SORCS2: variants seen among roughly 807,000 people sequenced by gnomAD.
The protein encoded by SORCS2 is VPS10 domain-containing receptor SorCS2.
Under a neutral mutation model 141.6 loss-of-function variants are expected in SORCS2, and 100 were observed. The ratio of observed to expected loss-of-function variants is 0.71; its 90% CI spans 0.60 to 0.83. The LOEUF (loss-of-function observed/expected upper bound fraction) is 0.83, where lower values mean the gene tolerates loss of function less well. SORCS2 is among the 40% of genes least tolerant of loss of function. The probability of loss-of-function intolerance (pLI) is 0.00; values close to 1 mark genes in which losing one functional copy is unlikely to be tolerated. For synonymous variants in SORCS2, 789 were observed against 676.9 expected (o/e 1.17, Z -2.57); for missense variants, 1,646 against 1,560.2 (o/e 1.05, Z -0.93).
chr4:7,196,062 G>A lies in SORCS2; in HGVS notation c.480+2936G>A, dbSNP rs1232696943. ...TTTAAGCCCTCATTGCTACAGCTCC[G>A]TTTAACATTATGTGGGTTTTCCTTC... On this transcript the variant is annotated intron_variant, in intron 1 of 26. Transcript: ENST00000507866. Among the ~76,000 whole-genome samples the A allele has an allele frequency of 5.3e-5, 8 of 152,298 alleles. 1 individual carries two copies. The highest frequency in any genetic ancestry group is 3.9e-4 in the Admixed American group (6 of 15,304).
chr4:7,355,555 T>A (rs1365454501), intron 1 of SORCS2, among the ~76,000 whole-genome samples: 1 of 152,046 alleles, frequency 6.6e-6, no homozygotes. Context: ...GGCTCTGCCG[T>A]CCCCAGGGGC....
chr4:7,669,676 A>T (rs1722685662), intron 8 of SORCS2, among the ~76,000 whole-genome samples: 1 of 152,178 alleles, frequency 6.6e-6, no homozygotes. Context: ...AACATCATGA[A>T]AATCATAGAC....
chr4:7,526,565 G>A (rs1733707984), intron 2 of SORCS2, among the ~76,000 whole-genome samples: 1 of 152,206 alleles, frequency 6.6e-6, no homozygotes, highest in South Asian at 2.1e-4. Flanking sequence ...CAGTGACGCT[G>A]CTCCGTATGA....
chr4:7,203,338 C>A (rs141415308), intron 1 of SORCS2, among the ~76,000 whole-genome samples: 1 of 152,198 alleles, frequency 6.6e-6, no homozygotes. Flanking sequence ...GCAGAAGAAT[C>A]GCTTGAATCA....
chr4:7,560,617 C>T (rs1714466331), intron 3 of SORCS2, among the ~76,000 whole-genome samples: 1 of 152,144 alleles, frequency 6.6e-6, no homozygotes, highest in Non-Finnish European at 1.5e-5. Context: ...CCTGCACTGA[C>T]ATCTTTGAAG....
chr4:7,387,435 G>C (rs1289663211), intron 1 of SORCS2, among the ~76,000 whole-genome samples: 6 of 65,724 alleles, frequency 9.1e-5, no homozygotes, highest in Non-Finnish European at 1.8e-4. Context: ...ACACACATAG[G>C]TACATGCATG....
Position 7,356,085 on chromosome 4 carries a change from A to G in SORCS2, c.481-40203A>G, listed in dbSNP as rs1164899557. On this transcript the variant is annotated intron_variant, in intron 1 of 26. Transcript: ENST00000507866. ...CCAGCTGTTTGGAGCATTGTTCCCC[A>G]TCTTCACATGGCTGGCTCCTCCCTG... Among the ~76,000 whole-genome samples the G allele has an allele frequency of 3.3e-5, 5 of 152,104 alleles. No individual in the cohort carries two copies. In the East Asian group the frequency reaches 9.6e-4, roughly 29 times the overall value.
At chr4:7,485,548 C>T (rs1206844071) in intron 2 of SORCS2, among the ~76,000 whole-genome samples, 2 of 152,276 alleles carry the variant, frequency 1.3e-5, no homozygotes, top group East Asian at 3.8e-4. Context: ...TCCCTGGCGG[C>T]TCTTGTTATT....
chr4:7,674,968 G>C (rs910224211), intron 8 of SORCS2, among the ~76,000 whole-genome samples: 5 of 152,158 alleles, frequency 3.3e-5, no homozygotes, highest in African/African-American at 1.2e-4. Flanking sequence ...TCTGCCCCTG[G>C]ACCTTGGCAC....
At chr4:7,248,109 G>A (rs890140629) in intron 1 of SORCS2, among the ~76,000 whole-genome samples, 3 of 152,192 alleles carry the variant, frequency 2.0e-5, no homozygotes, top group African/African-American at 7.2e-5. Flanking sequence ...GGCCGGGCCT[G>A]AGCCCGGATC....
At chr4:7,440,774 C>T (rs753275989) in intron 2 of SORCS2, among the ~76,000 whole-genome samples, 1 of 152,236 alleles carries the variant, frequency 6.6e-6, no homozygotes, top group Non-Finnish European at 1.5e-5. Context: ...TGGGGCCCAG[C>T]TTCATTGCCC....
At chr4:7,604,585 C>T (rs557180467) in intron 3 of SORCS2, among the ~76,000 whole-genome samples, 13 of 152,284 alleles carry the variant, frequency 8.5e-5, no homozygotes, top group African/African-American at 2.2e-4. Flanking sequence ...AGGCATGAGC[C>T]GCCGCGCCCG....
intron 9 of SORCS2, among the ~76,000 whole-genome samples, chr4:7,676,537 G>A (rs1483106865): frequency 4.6e-5 from 7 of 152,168 alleles, no homozygotes. Context: ...CTTGGGTTCA[G>A]CCTGAGTGTT....
chr4:7,340,481 G>A (rs1426978929), intron 1 of SORCS2, among the ~76,000 whole-genome samples: 2 of 152,246 alleles, frequency 1.3e-5, no homozygotes, highest in Non-Finnish European at 2.9e-5. Flanking sequence ...CGCCTACCCT[G>A]GAAGGTGCCA....
intron 1 of SORCS2, among the ~76,000 whole-genome samples, chr4:7,199,105 C>T (rs909726315): frequency 3.3e-5 from 5 of 152,168 alleles, no homozygotes; most frequent in African/African-American, 9.7e-5. Context: ...TCCTGTGAGC[C>T]GGGAGGATGG....
intron 2 of SORCS2, among the ~76,000 whole-genome samples, chr4:7,522,282 A>G (rs1052378734): frequency 6.6e-6 from 1 of 152,180 alleles, no homozygotes; most frequent in Non-Finnish European, 1.5e-5. Context: ...TGGAGTAATT[A>G]TAGGGGAGGA....
At chr4:7,690,672 G>A (rs529381477) in intron 11 of SORCS2, among the ~76,000 whole-genome samples, 4 of 152,194 alleles carry the variant, frequency 2.6e-5, no homozygotes, top group East Asian at 1.9e-4. Context: ...GTGAATGGAT[G>A]GATGGATGAC....
chr4:7,671,880 GAAT>G (rs1194731899), intron 8 of SORCS2, among the ~76,000 whole-genome samples: 1 of 129,540 alleles, frequency 7.7e-6, no homozygotes, highest in Non-Finnish European at 1.7e-5. Context: ...CAAACTCTAA[GAAT>G]GATAAACACA....
rs921800508 is a variant in SORCS2 at position 7,690,310 on chromosome 4, G to T, written c.1591+722G>T. On this transcript the variant is annotated intron_variant, in intron 11 of 26. Transcript: ENST00000507866. ...GCATGATGGATGGATGATGGTGAAT[G>T]GGTGGTGGATAGGTGGACGGGTGGG... Among the ~76,000 whole-genome samples, 9 of 143,362 alleles carry T rather than the reference G, an allele frequency of 6.3e-5. No individual in the cohort carries two copies. The South Asian group carries it at 7.4e-4, about 12-fold the overall frequency. The allele number at this position is 143,362 out of a possible 152,430, so 94.1% of individuals were successfully genotyped here. A position where few individuals can be genotyped will look rare whatever the true frequency, so the allele number is the denominator to read the frequency against.
Sources: allele counts gnomAD v4.1 joint callset (sites outside exome capture counted in the v4.1 genomes callset), GRCh38; gene constraint gnomAD v4.1.1; transcripts MANE v1.5; gene names NCBI Gene and HGNC (gene_info 2026-07-23, HGNC 2026-07-21).